The following CAMKMT variants were observed in gnomAD, a reference collection of about 807,000 sequenced individuals.
CAMKMT encodes CaM KMT.
CAMKMT carries 53 observed loss-of-function variants against 48.0 expected under a neutral mutation model. The ratio of observed to expected loss-of-function variants is 1.10; its 90% CI spans 0.89 to 1.39. The LOEUF is 1.39. Ranked by LOEUF, CAMKMT falls within the 40% of genes most tolerant of loss-of-function variation. CAMKMT has a pLI of 0.00. For missense variants in CAMKMT, 428 were observed against 402.7 expected (o/e 1.06, Z -0.54); for synonymous variants, 165 against 152.3 (o/e 1.08, Z -0.61).
intron 3 of CAMKMT, among the ~76,000 whole-genome samples, chr2:44,674,694 A>G (rs1207030883): frequency 1.3e-5 from 2 of 152,222 alleles, no homozygotes; most frequent in Non-Finnish European, 2.9e-5. Context: ...ATACAAAGTT[A>G]TATTACATTG....
intron 1 of CAMKMT, among the ~76,000 whole-genome samples, chr2:44,366,155 T>C (rs75142254): frequency 0.048 from 7,329 of 152,324 alleles, 257 homozygotes; most frequent in South Asian, 0.13. Context: ...TTCAGCTCTA[T>C]GTTATTAGTT....
At chr2:44,538,906 T>A (rs1035655609) in intron 3 of CAMKMT, among the ~76,000 whole-genome samples, 2 of 151,620 alleles carry the variant, frequency 1.3e-5, no homozygotes, top group African/African-American at 4.9e-5. Context: ...ATAATTGGTA[T>A]ACCAATTATT....
At chr2:44,469,297 A>G (rs1449650984) in intron 3 of CAMKMT, among the ~76,000 whole-genome samples, 1 of 151,386 alleles carries the variant, frequency 6.6e-6, no homozygotes, top group African/African-American at 2.4e-5. Flanking sequence ...AAATTAGCTT[A>G]TTTTTTCATT....
intron 3 of CAMKMT, among the ~76,000 whole-genome samples, chr2:44,641,063 G>A (rs1241160629): frequency 2.0e-5 from 3 of 152,120 alleles, no homozygotes; most frequent in African/African-American, 4.8e-5. Context: ...CAAACACACA[G>A]AGTGATTTTT....
At chr2:44,476,044 G>C (rs1220235099) in intron 3 of CAMKMT, among the ~76,000 whole-genome samples, 2 of 152,174 alleles carry the variant, frequency 1.3e-5, no homozygotes, top group East Asian at 3.8e-4. Flanking sequence ...AAAAAGGAAA[G>C]AATGAGGTTA....
intron 3 of CAMKMT, among the ~76,000 whole-genome samples, chr2:44,699,230 C>T (rs1263703638): frequency 6.6e-6 from 1 of 152,162 alleles, no homozygotes; most frequent in Non-Finnish European, 1.5e-5. Context: ...TGACTTTGCT[C>T]AGATGCATCA....
intron 1 of CAMKMT, among the ~76,000 whole-genome samples, chr2:44,366,917 G>GT (rs1429941610): frequency 6.6e-6 from 1 of 152,008 alleles, no homozygotes; most frequent in Non-Finnish European, 1.5e-5. Context: ...CAGGGATGGG[G>GT]TTTTGCCATG....
At chr2:44,701,416 G>GA (rs1256315008) in intron 3 of CAMKMT, among the ~76,000 whole-genome samples, 1 of 152,126 alleles carries the variant, frequency 6.6e-6, no homozygotes, top group Non-Finnish European at 1.5e-5. Flanking sequence ...TAGTTATGTT[G>GA]AAAAAATCCT....
At chr2:44,564,459 G>A (rs575948381) in intron 3 of CAMKMT, among the ~76,000 whole-genome samples, 29 of 152,296 alleles carry the variant, frequency 1.9e-4, no homozygotes, top group Admixed American at 7.8e-4. Flanking sequence ...ACAGGCGTGA[G>A]CCACCACACA....
intron 3 of CAMKMT, among the ~76,000 whole-genome samples, chr2:44,519,669 G>T (rs1230014528): frequency 6.6e-6 from 1 of 152,170 alleles, no homozygotes. Flanking sequence ...ACAAAAAAGT[G>T]TGACTTAGGA....
chr2:44,762,920 A>C (rs1358686037), intron 9 of CAMKMT, among the ~76,000 whole-genome samples: 2 of 152,266 alleles, frequency 1.3e-5, no homozygotes, highest in Non-Finnish European at 2.9e-5. Flanking sequence ...GAATGCTTAG[A>C]AAGTTGTGCT....
chr2:44,591,957 A>G (rs556801216), intron 3 of CAMKMT, among the ~76,000 whole-genome samples: 3,358 of 152,050 alleles, frequency 0.022, 103 homozygotes, highest in African/African-American at 0.069. Flanking sequence ...GTAAAGTATC[A>G]CAAGAACAAA....
chr2:44,448,395 G>C (rs1194556600), intron 3 of CAMKMT, among the ~76,000 whole-genome samples: 1 of 152,162 alleles, frequency 6.6e-6, no homozygotes, highest in African/African-American at 2.4e-5. Context: ...CTTCCCTAGA[G>C]GGTCTTCAAT....
intron 2 of CAMKMT, among the ~76,000 whole-genome samples, chr2:44,380,796 A>T (rs1293327090): frequency 6.6e-6 from 1 of 152,136 alleles, no homozygotes; most frequent in African/African-American, 2.4e-5. Context: ...GAGGTATAGG[A>T]TGAGGTTTAC....
At chr2:44,684,361 A>T (rs911956676) in intron 3 of CAMKMT, among the ~76,000 whole-genome samples, 16 of 152,226 alleles carry the variant, frequency 1.1e-4, no homozygotes, top group Non-Finnish European at 2.1e-4. Context: ...TGTGGTGTCA[A>T]GTTCAGAGCA....
At chr2:44,716,217 C>G (rs964260604) in intron 7 of CAMKMT, among the ~76,000 whole-genome samples, 1 of 152,142 alleles carries the variant, frequency 6.6e-6, no homozygotes, top group Middle Eastern at 3.4e-3. Flanking sequence ...TGAATTTTCC[C>G]TATGGTAAAG....
intron 3 of CAMKMT, among the ~76,000 whole-genome samples, chr2:44,453,304 A>G (rs1667391795): frequency 6.6e-6 from 1 of 152,084 alleles, no homozygotes; most frequent in Non-Finnish European, 1.5e-5. Context: ...TGTACTAGTG[A>G]GTCATAAATG....
chr2:44,687,175 G>GTA, intron 3 of CAMKMT, among the ~76,000 whole-genome samples: 1 of 152,290 alleles, frequency 6.6e-6, no homozygotes, highest in East Asian at 1.9e-4. Context: ...GTGTGTGACT[G>GTA]TATAATAGAG....
chr2:44,519,365 T>C (rs1394913797), intron 3 of CAMKMT, among the ~76,000 whole-genome samples: 1 of 152,234 alleles, frequency 6.6e-6, no homozygotes, highest in African/African-American at 2.4e-5. Flanking sequence ...ATATATATCA[T>C]TTAAATGTAT....
Sources: gnomAD v4.1 joint callset for allele counts (sites outside exome capture counted in the v4.1 genomes callset) on GRCh38, gnomAD v4.1.1 for gene constraint, MANE v1.5 for transcripts, NCBI Gene and HGNC (gene_info 2026-07-23, HGNC 2026-07-21) for gene names.